Variants in RB1 observed in about 807,000 individuals in gnomAD.
RB1 encodes RB transcriptional corepressor 1, also known as retinoblastoma-associated protein.
A neutral mutation model predicts 135.4 loss-of-function variants in RB1; 18 were observed. That is an observed-to-expected ratio of 0.13 (90% CI 0.09 to 0.20). The LOEUF (loss-of-function observed/expected upper bound fraction) is 0.20, where lower values mean the gene tolerates loss of function less well. Among genes scored for constraint, RB1 ranks in the 10% least tolerant of loss-of-function variants. The pLI is 1.00. For synonymous variants in RB1, 365 were observed against 373.2 expected, an observed-to-expected ratio of 0.98 and a Z score of 0.25; for missense variants, 868 against 1,110.0, an observed-to-expected ratio of 0.78 and a Z score of 3.10.
rs190116637 is a variant in RB1 at position 48,323,956 on chromosome 13, C to A, written c.264+16550C>A. Among the ~76,000 whole-genome samples the A allele has an allele frequency of 1.9e-3, 285 of 152,080 alleles. 1 individual carries two copies. The highest frequency in any genetic ancestry group is 3.4e-3 in the Middle Eastern group (1 of 294). ...TTTTCACCTTTCTATATTTTACTTT[C>A]ACAATTATAAGTAAATAAAGACTTG... On this transcript the variant is annotated intron_variant, in intron 2 of 26. Coordinates refer to ENST00000267163, the MANE Select transcript of RB1 (RefSeq NM_000321.3).
At chr13:48,357,756 T>C (rs1474957482) in intron 6 of RB1, among the ~76,000 whole-genome samples, 1 of 152,100 alleles carries the variant, frequency 6.6e-6, no homozygotes, top group African/African-American at 2.4e-5. Flanking sequence ...CTAAAGGTCA[T>C]GGTTGTGCAT....
chr13:48,480,085 T>G lies in RB1; in HGVS notation c.*14T>G. 1 of 1,597,904 alleles carries G rather than the reference T, an allele frequency of 6.3e-7. No individual in the cohort carries two copies. Among genetic ancestry groups the G allele is most frequent in the South Asian group, 1.1e-5 (1 of 90,472 alleles). ...GAAGAGAAATGAGGATCTCAGGACCTTGGTGGACACTGTGTACACCTCTGG... is the reference window on the plus strand; with the variant it reads ...GAAGAGAAATGAGGATCTCAGGACCGTGGTGGACACTGTGTACACCTCTGG... On this transcript the variant is annotated 3_prime_UTR_variant, in exon 27 of 27. Coordinates refer to ENST00000267163, the MANE Select transcript of RB1 (RefSeq NM_000321.3).
chr13:48,390,086 G>T (rs1246401159), intron 17 of RB1, among the ~76,000 whole-genome samples: 2 of 152,256 alleles, frequency 1.3e-5, no homozygotes, highest in Non-Finnish European at 2.9e-5. Flanking sequence ...TGTTAAGGCT[G>T]CAGTGAGCTG....
intron 2 of RB1, chr13:48,318,276 G>A: frequency 1.0e-6 from 1 of 989,138 alleles, no homozygotes; most frequent in South Asian, 1.8e-5. Flanking sequence ...CCAGTCTCTC[G>A]GGAGCCCGCC....
intron 17 of RB1, among the ~76,000 whole-genome samples, chr13:48,401,883 T>C (rs1488908715): frequency 6.6e-6 from 1 of 152,208 alleles, no homozygotes; most frequent in Non-Finnish European, 1.5e-5. Context: ...TTATATTCCT[T>C]AAGAATTCTT....
chr13:48,472,457 T>C (rs1156376999), intron 23 of RB1, among the ~76,000 whole-genome samples: 4 of 152,178 alleles, frequency 2.6e-5, no homozygotes. Context: ...CCACGTCATG[T>C]CTATTTAAGA....
chr13:48,326,852 A>G lies in RB1; in HGVS notation c.265-15747A>G, dbSNP rs192657482. Among the ~76,000 whole-genome samples the G allele has an allele frequency of 9.9e-5, 15 of 152,154 alleles. No homozygotes were observed. In the East Asian group the frequency reaches 2.1e-3, roughly 21 times the overall value. On this transcript the variant is annotated intron_variant, in intron 2 of 26. Transcript: ENST00000267163. ...GACTGTGCTTTTAAAGATGTGTTTA[A>G]CTGTCACATTAAAAAAAAAGTTCGT...
chr13:48,460,939 G>A lies in RB1; in HGVS notation c.2106+1106G>A, dbSNP rs1949401075. On this transcript the variant is annotated intron_variant, in intron 20 of 26. Transcript: ENST00000267163. ...ATCACACCACTGTGCTCCAACCTGG[G>A]TAACAGAGCAAGACCTTGTCTCAAA... Among the ~76,000 whole-genome samples the A allele has an allele frequency of 2.6e-5, 4 of 152,090 alleles. No individual in the cohort carries two copies. The South Asian group carries it at 6.2e-4, about 24-fold the overall frequency.
At chr13:48,318,419 A>G (rs1952204673) in intron 2 of RB1, 6 of 1,494,918 alleles carry the variant, frequency 4.0e-6, no homozygotes, top group South Asian at 2.3e-5. Context: ...GGTCCTCGTC[A>G]CTGTCCAGGG....
chr13:48,475,843 A>G (rs944254638), intron 24 of RB1, among the ~76,000 whole-genome samples: 1 of 152,216 alleles, frequency 6.6e-6, no homozygotes, highest in Non-Finnish European at 1.5e-5. Context: ...CGATGGGCTC[A>G]GCTGTCAGAC....
chr13:48,377,855 T>C (rs1952843533), intron 13 of RB1, among the ~76,000 whole-genome samples: 1 of 152,194 alleles, frequency 6.6e-6, no homozygotes, highest in Non-Finnish European at 1.5e-5. Context: ...AGCCTATTCA[T>C]TCCTAGGCTA....
rs995874400 is a variant in RB1, at chr13:48,480,657, A to C, written c.*586A>C. ...TTTTATTTTACTATTGGAATCTGAT[A>C]TACTGTGTGCTTGTTTTATAAAATT... On this transcript the variant is annotated 3_prime_UTR_variant, in exon 27 of 27. Coordinates refer to ENST00000267163, the MANE Select transcript of RB1 (RefSeq NM_000321.3). The C allele has an allele frequency of 4.4e-6, 1 of 225,812 alleles. No homozygotes were observed. The highest frequency in any genetic ancestry group is 8.8e-6 in the Non-Finnish European group (1 of 113,454). 14.0% of individuals were successfully genotyped at this position (225,812 alleles called of 1,614,324 possible).
At position 48,319,010 on chromosome 13, in the gene RB1, G is replaced by A. The variant is rs1952211370; in HGVS notation, c.264+11604G>A. 1 of 707,344 alleles carries A rather than the reference G, an allele frequency of 1.4e-6. No individual in the cohort carries two copies. The highest frequency in any genetic ancestry group is 2.6e-6 in the Non-Finnish European group (1 of 388,672). The allele number at this position is 707,344 out of a possible 1,614,324, so 43.8% of individuals were successfully genotyped here. A position where few individuals can be genotyped will look rare whatever the true frequency, so the allele number is the denominator to read the frequency against. On this transcript the variant is annotated intron_variant, in intron 2 of 26. Transcript: ENST00000267163. The surrounding 1 kb of genome is among the most constrained non-coding windows in gnomAD (Gnocchi z 5.0). Reference sequence around the variant, plus strand: ...GCCTTACATGGGGGCCGGCAGGGTAGTCTTGGAAATGCCCAAGATTGCTTC... The same window carrying A: ...GCCTTACATGGGGGCCGGCAGGGTAATCTTGGAAATGCCCAAGATTGCTTC...
intron 3 of RB1, among the ~76,000 whole-genome samples, chr13:48,343,153 A>G (rs1442256195): frequency 2.6e-5 from 4 of 152,130 alleles, no homozygotes; most frequent in African/African-American, 4.8e-5. Flanking sequence ...TTCAGATTAT[A>G]TATTGATTTG....
At chr13:48,374,337 A>G (rs35335099) in intron 12 of RB1, among the ~76,000 whole-genome samples, 1 of 152,164 alleles carries the variant, frequency 6.6e-6, no homozygotes, top group African/African-American at 2.4e-5. Context: ...GAGGATTGGG[A>G]CCCACTGAAA....
intron 6 of RB1, among the ~76,000 whole-genome samples, chr13:48,353,279 C>A (rs181895752): frequency 2.0e-5 from 3 of 151,930 alleles, no homozygotes; most frequent in African/African-American, 7.3e-5. Flanking sequence ...GCTGATACTG[C>A]AGAAACTAAA....
chr13:48,341,058 A>G (rs1440299506), intron 2 of RB1: 2 of 152,068 alleles, frequency 1.3e-5, no homozygotes, highest in African/African-American at 4.8e-5. Flanking sequence ...AAGTTCTTTC[A>G]TTCCCCTTTG....
chr13:48,402,392 T>TTTTTTTTTTA (rs56707206), intron 17 of RB1, among the ~76,000 whole-genome samples: 3 of 150,500 alleles, frequency 2.0e-5, no homozygotes, highest in Admixed American at 6.6e-5. Context: ...TTTTTTTTTT[T>TTTTTTTTTTA]AAACAGATGA....
At chr13:48,444,372 C>T (rs1383298201) in intron 17 of RB1, among the ~76,000 whole-genome samples, 2 of 152,144 alleles carry the variant, frequency 1.3e-5, no homozygotes, top group Non-Finnish European at 2.9e-5. Context: ...CAAAAATTAT[C>T]TGGGTGTGGT....
Sources: allele counts gnomAD v4.1 joint callset (sites outside exome capture counted in the v4.1 genomes callset), GRCh38; gene constraint gnomAD v4.1.1; non-coding constraint Gnocchi (gnomAD v3.1); transcripts MANE v1.5; gene names NCBI Gene and HGNC (gene_info 2026-07-23, HGNC 2026-07-21).